RBFOX1: variants seen among roughly 807,000 people sequenced by gnomAD.
RBFOX1 encodes RNA binding protein fox-1 homolog 1.
RBFOX1 carries 8 observed loss-of-function variants against 57.7 expected under a neutral mutation model. The observed-to-expected ratio is 0.14, with a 90% CI of 0.08 to 0.25. The LOEUF is 0.25. Among genes scored for constraint, RBFOX1 ranks in the 10% least tolerant of loss-of-function variants. The pLI is 1.00. For synonymous variants in RBFOX1, 326 were observed against 222.4 expected (o/e 1.47, Z -4.15); for missense variants, 611 against 548.5 (o/e 1.11, Z -1.14).
intron 1 of RBFOX1, among the ~76,000 whole-genome samples, chr16:6,277,047 A>G (rs2075873074): frequency 6.6e-6 from 1 of 152,216 alleles, no homozygotes; most frequent in African/African-American, 2.4e-5. Context: ...TCTTAACCGG[A>G]CATGGGTTAT....
chr16:6,383,628 C>T (rs1420914167), intron 2 of RBFOX1, among the ~76,000 whole-genome samples: 1 of 151,932 alleles, frequency 6.6e-6, no homozygotes, highest in Non-Finnish European at 1.5e-5. Flanking sequence ...CAAAAATTAG[C>T]CGCGTATGGT....
At chr16:6,096,412 G>T (rs1327284773) in intron 1 of RBFOX1, among the ~76,000 whole-genome samples, 1 of 152,168 alleles carries the variant, frequency 6.6e-6, no homozygotes, top group Non-Finnish European at 1.5e-5. Flanking sequence ...GGGGGGTTTT[G>T]TGTAGCCGTG....
At chr16:5,810,854 T>A (rs1484641353) in intron 3 of RBFOX1, among the ~76,000 whole-genome samples, 5 of 152,138 alleles carry the variant, frequency 3.3e-5, no homozygotes, top group African/African-American at 1.2e-4. Context: ...TGTTCTCTTG[T>A]TTAGAAAAAA....
At chr16:7,649,739 C>T (rs1393390384) in intron 11 of RBFOX1, among the ~76,000 whole-genome samples, 1 of 152,148 alleles carries the variant, frequency 6.6e-6, no homozygotes, top group African/African-American at 2.4e-5. Flanking sequence ...GTTACTCATC[C>T]TAACTGATGA....
rs1455802552 is a variant in RBFOX1 at position 5,947,074 on chromosome 16, C to T, written c.351+79739C>T. Among the ~76,000 whole-genome samples the T allele has an allele frequency of 1.3e-5, 2 of 152,084 alleles. No individual in the cohort carries two copies. Among genetic ancestry groups the T allele is most frequent in the Middle Eastern group, 3.4e-3 (1 of 294 alleles). ...AAAATAAAGTGAAAATAAAATCATCCCATGTGGTTGTGCATACTGTAGTCC... is the reference window on the plus strand; with the variant it reads ...AAAATAAAGTGAAAATAAAATCATCTCATGTGGTTGTGCATACTGTAGTCC... On this transcript the variant is annotated intron_variant, in intron 4 of 19. Transcript: ENST00000641259. The surrounding 1 kb of genome is among the most constrained non-coding windows in gnomAD (Gnocchi z 7.2).
In RBFOX1 at chr16:6,627,465, A is replaced by T. The variant is rs118177525; in HGVS notation, c.-63-27138A>T. Among the ~76,000 whole-genome samples, 561 of 152,258 alleles carry T rather than the reference A, an allele frequency of 3.7e-3. 1 individual carries two copies. The highest frequency in any genetic ancestry group is 0.02 in the Middle Eastern group (6 of 294). On this transcript the variant is annotated intron_variant, in intron 2 of 15. Transcript: ENST00000550418. ...CATCAGAAAAGTCTCTATGATGTTG[A>T]TTGGGTGAGGAAGAATATTGGAAAC...
chr16:6,782,770 A>G (rs1010331826), intron 3 of RBFOX1, among the ~76,000 whole-genome samples: 2 of 152,186 alleles, frequency 1.3e-5, no homozygotes, highest in African/African-American at 4.8e-5. Context: ...ATTAAGTCAG[A>G]TGTGTCTTTG....
intron 3 of RBFOX1, among the ~76,000 whole-genome samples, chr16:5,748,281 T>C (rs1413716549): frequency 6.6e-6 from 1 of 151,966 alleles, no homozygotes; most frequent in Non-Finnish European, 1.5e-5. Flanking sequence ...TGCTGAGGAG[T>C]GCTTTACTTC....
upstream of RBFOX1, among the ~76,000 whole-genome samples, chr16:6,016,515 A>C (rs2094994767): frequency 6.6e-6 from 1 of 152,200 alleles, no homozygotes; most frequent in East Asian, 1.9e-4. Flanking sequence ...ATGAAGAGCT[A>C]TAGGAAGATC....
chr16:7,689,636 TTG>T (rs2076897639), intron 14 of RBFOX1, among the ~76,000 whole-genome samples: 1 of 151,978 alleles, frequency 6.6e-6, no homozygotes, highest in African/African-American at 2.4e-5. Flanking sequence ...TGGAGAAATT[TTG>T]GAGTGGAAGA....
intron 4 of RBFOX1, among the ~76,000 whole-genome samples, chr16:7,234,425 C>G (rs896242255): frequency 1.3e-5 from 2 of 152,002 alleles, no homozygotes; most frequent in African/African-American, 4.8e-5. Context: ...GAGGTAAAAG[C>G]TAACAGTGCA....
chr16:6,747,190 A>G (rs530738165), intron 3 of RBFOX1, among the ~76,000 whole-genome samples: 12 of 152,278 alleles, frequency 7.9e-5, no homozygotes, highest in African/African-American at 2.2e-4. Context: ...CGGTCAGATC[A>G]CAAGGTCAGG....
intron 4 of RBFOX1, among the ~76,000 whole-genome samples, chr16:7,107,771 T>A (rs1386116473): frequency 6.6e-6 from 1 of 152,124 alleles, no homozygotes; most frequent in African/African-American, 2.4e-5. Context: ...CCACACAGAA[T>A]AAAAGTATTC....
intron 3 of RBFOX1, among the ~76,000 whole-genome samples, chr16:6,765,944 T>C (rs188868576): frequency 6.6e-6 from 1 of 152,164 alleles, no homozygotes; most frequent in Admixed American, 6.5e-5. Context: ...GATGCAAAGG[T>C]ATACAGTATG....
In RBFOX1 at chr16:6,352,747, C is replaced by A. The variant is rs113617452; in HGVS notation, c.-64+35690C>A. The stretch of plus-strand genomic sequence containing the variant: ...AGCAGCTAAAACTTTTCAATCCCAT[C>A]CATTAACTCACGAAGCTGCAAGTTA... On this transcript the variant is annotated intron_variant, in intron 2 of 15. Coordinates refer to ENST00000550418, the MANE Select transcript of RBFOX1 (RefSeq NM_018723.4). Among the ~76,000 whole-genome samples the A allele has an allele frequency of 8.3e-3, 1,267 of 152,278 alleles. 19 individuals are homozygous for A. Among genetic ancestry groups the A allele is most frequent in the African/African-American group, 0.027 (1,136 of 41,548 alleles).
intron 3 of RBFOX1, among the ~76,000 whole-genome samples, chr16:6,869,634 A>T (rs1489045224): frequency 6.6e-6 from 1 of 152,182 alleles, no homozygotes; most frequent in Admixed American, 6.5e-5. Flanking sequence ...TCTGTTTTCA[A>T]CTCTGACGTG....
rs750789239 is a variant in RBFOX1, at chr16:7,710,700, G to A, written c.1149G>A (p.Gln383=). The A allele has an allele frequency of 1.9e-6, 3 of 1,612,618 alleles. No homozygotes were observed. The highest frequency in any genetic ancestry group is 2.5e-6 in the Non-Finnish European group (3 of 1,179,130). Residue 383 remains glutamine, a synonymous_variant, in exon 16 of 16, where the codon CAG becomes CAA. Coordinates refer to ENST00000550418, the MANE Select transcript of RBFOX1 (RefSeq NM_018723.4). ...DDVGLVLSSL[Q]ASIYRGGYNR... is the part of the protein sequence containing the mutation. ...TGGGTCTCGTTCTTTCTTCATTGCA[G>A]GCTAGTATATACCGAGGGGGATACA...
intron 1 of RBFOX1, among the ~76,000 whole-genome samples, chr16:6,094,191 C>G (rs2096215102): frequency 6.6e-6 from 1 of 152,156 alleles, no homozygotes; most frequent in African/African-American, 2.4e-5. Context: ...GAGATCCTCC[C>G]AAAATGTGCT....
At chr16:5,514,861 C>T (rs993404526) in intron 2 of RBFOX1, among the ~76,000 whole-genome samples, 10 of 152,194 alleles carry the variant, frequency 6.6e-5, no homozygotes, top group African/African-American at 2.2e-4. Flanking sequence ...TAAAGGAATA[C>T]CTGATTCTGG....
Sources: allele counts gnomAD v4.1 joint callset (sites outside exome capture counted in the v4.1 genomes callset), GRCh38; gene constraint gnomAD v4.1.1; non-coding constraint Gnocchi (gnomAD v3.1); transcripts MANE v1.5; gene names NCBI Gene and HGNC (gene_info 2026-07-23, HGNC 2026-07-21).